The following ZNF599 variants were observed in gnomAD, a reference collection of about 807,000 sequenced individuals.
ZNF599 encodes zinc finger protein 599.
Under a neutral mutation model 11.7 loss-of-function variants are expected in ZNF599, and 10 were observed. That is an observed-to-expected ratio of 0.86 (90% CI 0.53 to 1.45). The LOEUF is 1.45. ZNF599 is among the 40% of genes most tolerant of loss of function. The pLI, the probability that ZNF599 is intolerant of heterozygous loss-of-function variation, is 0.00. For missense variants in ZNF599, 688 were observed against 713.6 expected, an observed-to-expected ratio of 0.96 and a Z score of 0.41; for synonymous variants, 232 against 253.2, an observed-to-expected ratio of 0.92 and a Z score of 0.79.
At chr19:34,775,365 A>C (rs976687867), upstream of ZNF599, among the ~76,000 whole-genome samples, 9 of 152,232 alleles carry the variant, frequency 5.9e-5, no homozygotes, top group African/African-American at 1.9e-4. Context: ...AGGAACACTG[A>C]AAACATGTAA....
At chr19:34,768,571 A>G (rs558141413) in intron 2 of ZNF599, among the ~76,000 whole-genome samples, 2 of 152,364 alleles carry the variant, frequency 1.3e-5, no homozygotes, top group East Asian at 1.9e-4. Flanking sequence ...TAAATGTAAC[A>G]AACACATGCA....
chr19:34,766,496 TCTGAG>T (rs1435023964), intron 3 of ZNF599, among the ~76,000 whole-genome samples: 2 of 152,210 alleles, frequency 1.3e-5, no homozygotes, highest in Non-Finnish European at 2.9e-5. Context: ...CAGAAGAATG[TCTGAG>T]CTATCACTAT....
the ZNF599 span, among the ~76,000 whole-genome samples, chr19:34,799,009 CT>C: frequency 6.3e-3 from 948 of 149,314 alleles, 5 homozygotes; most frequent in Admixed American, 0.01. Context: ...ATACACAGCA[CT>C]TTTTTTTTTG....
At chr19:34,772,728 G>C (rs1195957419) in intron 1 of ZNF599, 96 bp downstream of exon 1, 7 of 1,528,458 alleles carry the variant, frequency 4.6e-6, no homozygotes, top group Non-Finnish European at 6.1e-6. Context: ...CATCAAAAGG[G>C]AGAAGCACAG....
intron 2 of ZNF599, among the ~76,000 whole-genome samples, chr19:34,769,062 T>C (rs2069164422): frequency 6.6e-6 from 1 of 152,332 alleles, no homozygotes; most frequent in South Asian, 2.1e-4. Flanking sequence ...TCTTAGTGTC[T>C]GTGTCAATCA....
chr19:34,803,157 T>C, the ZNF599 span, among the ~76,000 whole-genome samples: 1 of 152,040 alleles, frequency 6.6e-6, no homozygotes, highest in African/African-American at 2.4e-5. Context: ...CAGTAAGCCT[T>C]TGGGGCAGCA....
the ZNF599 span, among the ~76,000 whole-genome samples, chr19:34,805,504 T>A: frequency 5.3e-5 from 8 of 152,266 alleles, no homozygotes; most frequent in South Asian, 1.7e-3. Context: ...CTGCTACCTT[T>A]TTTTCTCTCA....
the ZNF599 span, among the ~76,000 whole-genome samples, chr19:34,796,864 G>A: frequency 1.7e-3 from 257 of 152,170 alleles, 1 homozygote; most frequent in Non-Finnish European, 3.3e-3. Flanking sequence ...TGCACAAAAC[G>A]GCTATGGGTA....
In ZNF599 at chr19:34,761,390, A is replaced by G. The variant is rs116835785; in HGVS notation, c.242-831T>C. Among the ~76,000 whole-genome samples the G allele has an allele frequency of 8.2e-3, 1,243 of 152,344 alleles. 18 individuals are homozygous for G. Among genetic ancestry groups the G allele is most frequent in the African/African-American group, 0.028 (1,177 of 41,572 alleles). ...CAGTTCTCCCTAAATTCACTTCTAA[A>G]TTCAATACAACATCAGATAAAATCT... is the stretch of plus-strand genomic sequence containing the variant. On this transcript the variant is annotated intron_variant, in intron 3 of 3. Transcript: ENST00000329285.
At chr19:34,784,025 T>A in the ZNF599 span, among the ~76,000 whole-genome samples, 1 of 152,180 alleles carries the variant, frequency 6.6e-6, no homozygotes, top group African/African-American at 2.4e-5. Context: ...CCTGTATTCA[T>A]CTCCCAGGGT....
rs552895557 is a variant in ZNF599 at position 34,758,256 on chromosome 19, T to A, written c.*778A>T. 1 of 152,322 alleles carries A rather than the reference T, an allele frequency of 6.6e-6. No homozygotes were observed. The highest frequency in any genetic ancestry group is 2.4e-5 in the African/African-American group (1 of 41,578). 9.4% of individuals were successfully genotyped at this position (152,322 alleles called of 1,614,324 possible). Reference sequence around the variant, plus strand: ...AACGCTGTATTTCCCCTAGCAACAATCATTCAGCATTCACTAATTCAGTGT... The same window carrying A: ...AACGCTGTATTTCCCCTAGCAACAAACATTCAGCATTCACTAATTCAGTGT... On this transcript the variant is annotated 3_prime_UTR_variant, in exon 4 of 4. Coordinates refer to ENST00000329285, the MANE Select transcript of ZNF599 (RefSeq NM_001007248.3).
chr19:34,775,900 A>T (rs955531034), upstream of ZNF599, among the ~76,000 whole-genome samples: 2 of 152,226 alleles, frequency 1.3e-5, no homozygotes, highest in Non-Finnish European at 2.9e-5. Flanking sequence ...AAATTTCTTT[A>T]AAAAGAATCC....
At position 34,759,318 on chromosome 19, in the gene ZNF599, T is replaced by C; in HGVS notation, c.1483A>G (p.Thr495Ala). 6.2e-7 allele frequency: 1 copy of C among 1,613,944 alleles called. No individual in the cohort carries two copies. The highest frequency in any genetic ancestry group is 8.5e-7 in the Non-Finnish European group (1 of 1,179,972). ...CCAGTGTGAATCCTCATGTGTCGAG[T>C]GAAGGAAGAGCTATAGTAAAAGGCT... The part of the protein sequence containing the change: ...AKAFYYSSSF[T>A]RHMRIHTGEK... The change falls in exon 4 of 4, where the codon ACT (threonine) becomes GCT (alanine). Residue 495 changes from threonine (T) to alanine (A), a missense_variant. Physicochemically the swap from Thr to Ala is moderately conservative, Grantham distance 58. Coordinates refer to ENST00000329285, the MANE Select transcript of ZNF599 (RefSeq NM_001007248.3).
At chr19:34,804,947 C>A in the ZNF599 span, among the ~76,000 whole-genome samples, 10 of 152,186 alleles carry the variant, frequency 6.6e-5, no homozygotes, top group African/African-American at 2.2e-4. Flanking sequence ...TTGCACAAAA[C>A]CCTCTTCAGC....
the ZNF599 span, among the ~76,000 whole-genome samples, chr19:34,799,757 T>C: frequency 6.6e-6 from 1 of 152,210 alleles, no homozygotes; most frequent in Admixed American, 6.5e-5. Context: ...CACAGAACCA[T>C]GTGAAGTCAC....
chr19:34,774,249 T>C (rs145545155), upstream of ZNF599, among the ~76,000 whole-genome samples: 27 of 152,194 alleles, frequency 1.8e-4, no homozygotes, highest in East Asian at 4.8e-3. Context: ...CGTGTCACTG[T>C]TCATCTCTAA....
the ZNF599 span, among the ~76,000 whole-genome samples, chr19:34,796,982 G>A: frequency 2.5e-4 from 25 of 99,786 alleles, no homozygotes; most frequent in African/African-American, 8.9e-4. Flanking sequence ...CCCCACAACA[G>A]GCCCCGGTGT....
chr19:34,794,645 AC>A, the ZNF599 span, among the ~76,000 whole-genome samples: 1 of 150,492 alleles, frequency 6.6e-6, no homozygotes, highest in African/African-American at 2.5e-5. Flanking sequence ...ATCTTGGCTC[AC>A]TGCAACCTCC....
At position 34,772,250 on chromosome 19, in the gene ZNF599, G is replaced by A. The variant is rs1432985041; in HGVS notation, c.18+574C>T. On this transcript the variant is annotated intron_variant, in intron 1 of 3. Coordinates refer to ENST00000329285, the MANE Select transcript of ZNF599 (RefSeq NM_001007248.3). ...GTTAGGCGGCAAGCCAGATTCATTT[G>A]TAATAAACAGACGGCATCTGCAAAG... 3 of 898,860 alleles carry A rather than the reference G, an allele frequency of 3.3e-6. No individual in the cohort carries two copies. In the African/African-American group the frequency reaches 5.4e-5, roughly 16 times the overall value. The allele number at this position is 898,860 out of a possible 1,614,324, so 55.7% of individuals were successfully genotyped here. A position where few individuals can be genotyped will look rare whatever the true frequency, so the allele number is the denominator to read the frequency against.
Sources: gnomAD v4.1 joint callset for allele counts (sites outside exome capture counted in the v4.1 genomes callset) on GRCh38, gnomAD v4.1.1 for gene constraint, MANE v1.5 for transcripts, NCBI Gene and HGNC (gene_info 2026-07-23, HGNC 2026-07-21) for gene names.